The following SVOPL variants were observed in gnomAD, a reference collection of about 807,000 sequenced individuals.
SVOPL encodes the protein putative transporter SVOPL.
In SVOPL, 60 loss-of-function variants were observed where a neutral mutation model predicts 61.0. The observed-to-expected ratio is 0.98, with a 90% CI of 0.80 to 1.22. The LOEUF is 1.22. Among genes scored for constraint, SVOPL ranks in the 50% most tolerant of loss-of-function variants. SVOPL has a pLI of 0.00. For missense variants in SVOPL, 662 were observed against 643.9 expected, an observed-to-expected ratio of 1.03 and a Z score of -0.30; for synonymous variants, 279 against 250.0, an observed-to-expected ratio of 1.12 and a Z score of -1.09.
At chr7:138,669,991 T>G (rs1345467085) in intron 4 of SVOPL, among the ~76,000 whole-genome samples, 1 of 152,176 alleles carries the variant, frequency 6.6e-6, no homozygotes, top group Non-Finnish European at 1.5e-5. Context: ...TTCTTTGACC[T>G]CCTTGGCTGA....
intron 14 of SVOPL, chr7:138,596,811 T>C: frequency 8.9e-7 from 1 of 1,127,688 alleles, no homozygotes; most frequent in Non-Finnish European, 1.1e-6. Flanking sequence ...TTTTGATATA[T>C]GGAAAAGATG....
chr7:138,631,468 C>T (rs1800186370), intron 9 of SVOPL, among the ~76,000 whole-genome samples: 2 of 152,144 alleles, frequency 1.3e-5, no homozygotes, highest in African/African-American at 2.4e-5. Flanking sequence ...CCACCTCCCC[C>T]CATCCTTCCA....
intron 5 of SVOPL, chr7:138,662,221 G>A (rs1455276336): frequency 3.0e-6 from 3 of 985,366 alleles, no homozygotes; most frequent in Admixed American, 1.2e-4. Flanking sequence ...TTGGCTTAAT[G>A]GTCTTGGCCA....
intron 9 of SVOPL, among the ~76,000 whole-genome samples, chr7:138,637,447 G>GATATAT (rs1482966649): frequency 1.9e-4 from 5 of 26,062 alleles, no homozygotes; most frequent in African/African-American, 1.1e-3. Context: ...TATATAGATA[G>GATATAT]ATAGATAGAT....
At chr7:138,643,481 T>TCATAGTAGC (rs1321288152) in intron 9 of SVOPL, among the ~76,000 whole-genome samples, 3 of 150,836 alleles carry the variant, frequency 2.0e-5, no homozygotes, top group African/African-American at 7.3e-5. Context: ...TCACCCGTGT[T>TCATAGTAGC]CATAGTAGCA....
rs546472264 is a variant in SVOPL at position 138,635,425 on chromosome 7, T to TG, written c.790-5304dup. On this transcript the variant is annotated intron_variant, in intron 9 of 15. Coordinates refer to ENST00000674285, the MANE Select transcript of SVOPL (RefSeq NM_001139456.2). The stretch of plus-strand genomic sequence containing the variant: ...TTTTTTTTTTAAATAGAGATGGGGG[T>TG]GGGGGTCTCACTATATTGCCCAGGC... Among the ~76,000 whole-genome samples the TG allele has an allele frequency of 1.2e-3, 176 of 142,412 alleles. 1 individual carries two copies. The highest frequency in any genetic ancestry group is 3.8e-3 in the African/African-American group (147 of 38,278). 93.4% of individuals were successfully genotyped at this position (142,412 alleles called of 152,430 possible).
intron 3 of SVOPL, among the ~76,000 whole-genome samples, chr7:138,674,855 C>CAAA (rs34086254): frequency 1.5e-5 from 2 of 134,420 alleles, no homozygotes; most frequent in Non-Finnish European, 3.3e-5. Context: ...GACTCCATCT[C>CAAA]AAAAAAAAAA....
chr7:138,632,768 G>C (rs900425639), intron 9 of SVOPL, among the ~76,000 whole-genome samples: 7 of 151,894 alleles, frequency 4.6e-5, no homozygotes, highest in Middle Eastern at 3.4e-3. Context: ...AGAGGAGAGA[G>C]AGCTTATTTC....
At chr7:138,676,842 G>A (rs1300077982) in intron 3 of SVOPL, among the ~76,000 whole-genome samples, 4 of 149,862 alleles carry the variant, frequency 2.7e-5, no homozygotes, top group African/African-American at 9.8e-5. Context: ...CTTTATAACC[G>A]AACACCTGCC....
At chr7:138,653,350 G>A (rs1315046508) in intron 7 of SVOPL, among the ~76,000 whole-genome samples, 1 of 152,170 alleles carries the variant, frequency 6.6e-6, no homozygotes, top group Non-Finnish European at 1.5e-5. Flanking sequence ...AAGATGCCAT[G>A]CAGGACATTC....
chr7:138,622,013 T>A (rs1158165924), intron 13 of SVOPL, among the ~76,000 whole-genome samples: 24 of 119,184 alleles, frequency 2.0e-4, no homozygotes, highest in East Asian at 9.1e-4. Flanking sequence ...TATGTATCTA[T>A]CTATGTATCT....
At chr7:138,632,159 C>T (rs553190375) in intron 9 of SVOPL, among the ~76,000 whole-genome samples, 6 of 152,212 alleles carry the variant, frequency 3.9e-5, no homozygotes, top group East Asian at 3.9e-4. Flanking sequence ...GGGCCAGACA[C>T]GGTGGTTCAT....
intron 1 of SVOPL, among the ~76,000 whole-genome samples, chr7:138,686,404 T>TAAA (rs1584869067): frequency 4.0e-5 from 2 of 49,508 alleles, no homozygotes; most frequent in African/African-American, 3.2e-4. Flanking sequence ...AGACTCCGCC[T>TAAA]CAAAAAAAAA....
At chr7:138,596,770 C>T (rs1798298625) in intron 14 of SVOPL, 2 of 1,162,740 alleles carry the variant, frequency 1.7e-6, no homozygotes, top group East Asian at 5.0e-5. Flanking sequence ...CCTCTCTTGG[C>T]ATCCACCTGT....
intron 14 of SVOPL, among the ~76,000 whole-genome samples, chr7:138,618,524 G>C (rs955660755): frequency 1.1e-4 from 17 of 152,122 alleles, no homozygotes; most frequent in African/African-American, 4.1e-4. Flanking sequence ...AGCCAAGAGC[G>C]GTGGTGGGTG....
At chr7:138,599,893 A>G (rs1360503116) in intron 14 of SVOPL, among the ~76,000 whole-genome samples, 2 of 151,852 alleles carry the variant, frequency 1.3e-5, no homozygotes, top group African/African-American at 4.8e-5. Flanking sequence ...GTCTCAAAAA[A>G]AAAAAAAAAA....
chr7:138,689,665 T>C (rs1213001111), intron 1 of SVOPL: 5 of 334,078 alleles, frequency 1.5e-5, no homozygotes, highest in Non-Finnish European at 2.8e-5. Context: ...GAGACCAGCC[T>C]GACCAACATG....
intron 9 of SVOPL, among the ~76,000 whole-genome samples, chr7:138,638,488 A>G (rs1314972458): frequency 6.6e-6 from 1 of 152,140 alleles, no homozygotes; most frequent in African/African-American, 2.4e-5. Context: ...AATTGGCAAG[A>G]TCATATTTAG....
chr7:138,607,755 A>G (rs1490229868), intron 14 of SVOPL, among the ~76,000 whole-genome samples: 1 of 152,210 alleles, frequency 6.6e-6, no homozygotes, highest in Non-Finnish European at 1.5e-5. Context: ...TTGATTTTAC[A>G]GCTTGGAAGC....
Sources: gnomAD v4.1 joint callset for allele counts (sites outside exome capture counted in the v4.1 genomes callset) on GRCh38, gnomAD v4.1.1 for gene constraint, MANE v1.5 for transcripts, NCBI Gene and HGNC (gene_info 2026-07-23, HGNC 2026-07-21) for gene names.